EYS: variants seen among roughly 807,000 people sequenced by gnomAD.
EYS encodes the protein protein eyes shut homolog.
In EYS, 250 loss-of-function variants were observed where a neutral mutation model predicts 282.1. The observed-to-expected ratio is 0.89, with a 90% CI of 0.80 to 0.98. EYS has a LOEUF of 0.98. Ranked by LOEUF, EYS falls within the 50% of genes least tolerant of loss-of-function variation. The probability of loss-of-function intolerance (pLI) is 0.00; values close to 1 mark genes in which losing one functional copy is unlikely to be tolerated. For missense variants in EYS, 4,016 were observed against 3,709.0 expected (o/e 1.08, Z -2.15); for synonymous variants, 1,355 against 1,282.9 (o/e 1.06, Z -1.20).
At chr6:63,865,589 A>G (rs1158459313) in intron 35 of EYS, among the ~76,000 whole-genome samples, 1 of 152,062 alleles carries the variant, frequency 6.6e-6, no homozygotes, top group Non-Finnish European at 1.5e-5. Flanking sequence ...ATCAGCCCTG[A>G]TAATTGGGAA....
chr6:65,330,970 T>G (rs1769776255), intron 11 of EYS: 1 of 984,274 alleles, frequency 1.0e-6, no homozygotes, highest in South Asian at 4.7e-5. Context: ...TCTCATATAT[T>G]GAGTTCCCGT....
At chr6:65,322,809 A>G (rs1425959796) in intron 11 of EYS, among the ~76,000 whole-genome samples, 2 of 150,400 alleles carry the variant, frequency 1.3e-5, no homozygotes, top group East Asian at 1.9e-4. Flanking sequence ...AAAAAAAAAA[A>G]AAAAGAAAAA....
At chr6:64,574,975 T>C (rs1765834748) in intron 26 of EYS, among the ~76,000 whole-genome samples, 1 of 152,134 alleles carries the variant, frequency 6.6e-6, no homozygotes, top group African/African-American at 2.4e-5. Flanking sequence ...TCAGGCTTTT[T>C]AGAGAGTGAT....
chr6:64,623,107 G>C (rs1767500458), intron 23 of EYS, among the ~76,000 whole-genome samples: 1 of 152,110 alleles, frequency 6.6e-6, no homozygotes, highest in Non-Finnish European at 1.5e-5. Flanking sequence ...TATTGGGGAA[G>C]GCCTTTGTTT....
At chr6:64,299,779 T>C (rs1769169689) in intron 30 of EYS, among the ~76,000 whole-genome samples, 1 of 152,188 alleles carries the variant, frequency 6.6e-6, no homozygotes, top group African/African-American at 2.4e-5. Context: ...ATGCTAAACA[T>C]AGAGCTCTGG....
intron 8 of EYS, among the ~76,000 whole-genome samples, chr6:65,383,601 C>T (rs1317867907): frequency 6.6e-6 from 1 of 150,880 alleles, no homozygotes; most frequent in Non-Finnish European, 1.5e-5. Context: ...AAAAAAAAAG[C>T]TTTGCAGAAA....
chr6:64,808,707 C>A (rs1012039763), intron 22 of EYS, among the ~76,000 whole-genome samples: 4 of 151,834 alleles, frequency 2.6e-5, no homozygotes, highest in Admixed American at 2.6e-4. Flanking sequence ...TTTATCCTTG[C>A]CAGAAAACAA....
At chr6:64,277,019 C>A (rs1241776135) in intron 30 of EYS, among the ~76,000 whole-genome samples, 2 of 152,054 alleles carry the variant, frequency 1.3e-5, no homozygotes, top group Non-Finnish European at 2.9e-5. Flanking sequence ...TAAATCAAAA[C>A]AATATATTCT....
intron 35 of EYS, among the ~76,000 whole-genome samples, chr6:63,959,863 TG>T (rs546559398): frequency 4.0e-5 from 6 of 148,574 alleles, no homozygotes; most frequent in African/African-American, 1.5e-4. Flanking sequence ...TGTAGGGGAG[TG>T]GGGGGTAAGG....
chr6:64,847,527 T>C (rs1254944033), intron 19 of EYS, among the ~76,000 whole-genome samples: 3 of 152,054 alleles, frequency 2.0e-5, no homozygotes, highest in African/African-American at 4.8e-5. Context: ...GAGTAATCTA[T>C]GAATTCTTAC....
At chr6:64,183,520 C>T (rs1319990610) in intron 31 of EYS, among the ~76,000 whole-genome samples, 1 of 152,042 alleles carries the variant, frequency 6.6e-6, no homozygotes, top group Non-Finnish European at 1.5e-5. Context: ...TGAGGACATT[C>T]AATACTGTTC....
intron 18 of EYS, among the ~76,000 whole-genome samples, chr6:64,894,237 T>C (rs1767382194): frequency 6.6e-6 from 1 of 152,254 alleles, no homozygotes; most frequent in East Asian, 1.9e-4. Context: ...TGTTCATATA[T>C]CCTTGCTGAC....
rs548565069 is a variant in EYS at position 64,189,620 on chromosome 6, G to T, written c.6424+40972C>A. On this transcript the variant is annotated intron_variant, in intron 31 of 42. Transcript: ENST00000503581. ...CTGCAATGAATTTACTTTAAGTAAAGGAGATTATCCTCATTAATGTGGGTG... is the reference window on the plus strand; with the variant it reads ...CTGCAATGAATTTACTTTAAGTAAATGAGATTATCCTCATTAATGTGGGTG... Among the ~76,000 whole-genome samples, 14 of 152,222 alleles carry T rather than the reference G, an allele frequency of 9.2e-5. No homozygotes were observed. The South Asian group carries it at 2.9e-3, about 32-fold the overall frequency.
Position 65,519,705 on chromosome 6 carries a change from TATA to T in EYS, c.-332-23715_-332-23713del, listed in dbSNP as rs1427642401. Among the ~76,000 whole-genome samples, 21 of 50,326 alleles carry T rather than the reference TATA, an allele frequency of 4.2e-4. 1 individual carries two copies. The highest frequency in any genetic ancestry group is 1.8e-3 in the African/African-American group (16 of 9,124). The allele number at this position is 50,326 out of a possible 152,430, so 33.0% of individuals were successfully genotyped here. ...TAATAACTATATATATATATATATA[TATA>T]TTTTTTTTTTTTTTTTTTTTTTTTT... On this transcript the variant is annotated intron_variant, in intron 2 of 42. Transcript: ENST00000503581.
At chr6:64,373,189 A>T (rs1272176934) in intron 29 of EYS, among the ~76,000 whole-genome samples, 1 of 151,752 alleles carries the variant, frequency 6.6e-6, no homozygotes, top group African/African-American at 2.4e-5. Flanking sequence ...ATTTGTGGGG[A>T]TTATGTTCTT....
chr6:63,889,803 C>T (rs2149723923), intron 35 of EYS, among the ~76,000 whole-genome samples: 2 of 151,826 alleles, frequency 1.3e-5, no homozygotes, highest in South Asian at 4.2e-4. Flanking sequence ...GGCTAAATGC[C>T]CCAATTAAAA....
chr6:63,880,273 G>A (rs965310211), intron 35 of EYS, among the ~76,000 whole-genome samples: 5 of 152,052 alleles, frequency 3.3e-5, no homozygotes, highest in Middle Eastern at 3.2e-3. Context: ...AGCAAAAATG[G>A]CCTAGTCTTC....
chr6:64,206,443 C>T (rs1765609480), intron 31 of EYS, among the ~76,000 whole-genome samples: 1 of 152,124 alleles, frequency 6.6e-6, no homozygotes, highest in African/African-American at 2.4e-5. Flanking sequence ...TCTCTAATTT[C>T]AACTCATTGT....
At chr6:64,422,689 A>G (rs1027245080) in intron 28 of EYS, among the ~76,000 whole-genome samples, 1 of 152,198 alleles carries the variant, frequency 6.6e-6, no homozygotes. Context: ...AATAGAACCT[A>G]TTAATACATT....
Sources: gnomAD v4.1 joint callset for allele counts (sites outside exome capture counted in the v4.1 genomes callset) on GRCh38, gnomAD v4.1.1 for gene constraint, MANE v1.5 for transcripts, NCBI Gene and HGNC (gene_info 2026-07-23, HGNC 2026-07-21) for gene names.